The following TACR3 variants were observed in gnomAD, a reference collection of about 807,000 sequenced individuals.
The protein encoded by TACR3 is tachykinin receptor 3.
TACR3 carries 34 observed loss-of-function variants against 35.0 expected under a neutral mutation model. That is an observed-to-expected ratio of 0.97 (90% CI 0.74 to 1.30). The LOEUF (loss-of-function observed/expected upper bound fraction) is 1.30, where lower values mean the gene tolerates loss of function less well. Among genes scored for constraint, TACR3 ranks in the 50% most tolerant of loss-of-function variants. The pLI is 0.00. For missense variants in TACR3, 558 were observed against 591.7 expected, an observed-to-expected ratio of 0.94 and a Z score of 0.59; for synonymous variants, 233 against 221.1, an observed-to-expected ratio of 1.05 and a Z score of -0.48.
rs761947391 is a variant in TACR3, at chr4:103,656,245, G to A, written c.837C>T (p.Ile279=). The part of the protein sequence containing the change: ...IVGITLWGGE[I]PGDTCDKYHE... ...GATACTTGTCACAGGTATCTCCTGG[G>A]ATTTCTCCTCCCCAGAGAGTAATTC... The change falls in exon 3 of 5, where the codon ATC becomes ATT. Residue 279 remains isoleucine (I), a synonymous_variant. Transcript: ENST00000304883. The A allele has an allele frequency of 6.8e-6, 11 of 1,612,948 alleles. No homozygotes were observed. In the South Asian group the frequency reaches 1.1e-4, roughly 16 times the overall value.
chr4:103,674,339 G>C (rs1726121700), intron 1 of TACR3, among the ~76,000 whole-genome samples: 2 of 151,568 alleles, frequency 1.3e-5, no homozygotes, highest in African/African-American at 2.4e-5. Context: ...TCTGTTGTTG[G>C]AGGTCCTCAG....
intron 1 of TACR3, among the ~76,000 whole-genome samples, chr4:103,683,470 CAAAAAAA>C (rs57761679): frequency 4.3e-4 from 9 of 21,152 alleles, no homozygotes; most frequent in East Asian, 1.7e-3. Flanking sequence ...AAAGACTGAC[CAAAAAAA>C]AAAAAAAAAA....
intron 3 of TACR3, among the ~76,000 whole-genome samples, chr4:103,646,247 A>AT (rs1725452766): frequency 6.6e-6 from 1 of 151,968 alleles, no homozygotes; most frequent in African/African-American, 2.4e-5. Flanking sequence ...AAAGCAGTTC[A>AT]TTTTTCTTTA....
chr4:103,597,550 A>G (rs1724063438), intron 3 of TACR3, among the ~76,000 whole-genome samples: 1 of 152,080 alleles, frequency 6.6e-6, no homozygotes, highest in South Asian at 2.1e-4. Context: ...GGTCTGCTGC[A>G]CCCATTAACT....
chr4:103,653,995 A>G (rs1440091948), intron 3 of TACR3, among the ~76,000 whole-genome samples: 1 of 148,678 alleles, frequency 6.7e-6, no homozygotes. Context: ...AACCACAATG[A>G]GATACCATCT....
intron 1 of TACR3, among the ~76,000 whole-genome samples, chr4:103,701,554 T>C (rs565320394): frequency 3.6e-4 from 54 of 152,010 alleles, no homozygotes; most frequent in Non-Finnish European, 7.4e-4. Context: ...AACTACTTTA[T>C]AGTACATATG....
At chr4:103,609,644 G>A (rs1480014166) in intron 3 of TACR3, among the ~76,000 whole-genome samples, 1 of 152,030 alleles carries the variant, frequency 6.6e-6, no homozygotes, top group African/African-American at 2.4e-5. Flanking sequence ...ATTTTGAAGT[G>A]TACAATACAT....
chr4:103,719,970 C>T lies in TACR3; in HGVS notation c.-295G>A, dbSNP rs1391548406. Among the ~76,000 whole-genome samples, 5 of 152,166 alleles carry T rather than the reference C, an allele frequency of 3.3e-5. No individual in the cohort carries two copies. The highest frequency in any genetic ancestry group is 1.2e-4 in the African/African-American group (5 of 41,440). ...CGTAGGGAGGGTGCCAGCTGCCCGG[C>T]ACAGGCTGGAGAACTGAGCGTCCTG... On this transcript the variant is annotated 5_prime_UTR_variant, in exon 1 of 5. Transcript: ENST00000304883.
At chr4:103,645,020 A>T (rs529538547) in intron 3 of TACR3, among the ~76,000 whole-genome samples, 1 of 151,992 alleles carries the variant, frequency 6.6e-6, no homozygotes, top group East Asian at 1.9e-4. Flanking sequence ...AGGTTTTTTT[A>T]AATTACAACA....
At chr4:103,685,420 C>G (rs1440225413) in intron 1 of TACR3, among the ~76,000 whole-genome samples, 1 of 151,940 alleles carries the variant, frequency 6.6e-6, no homozygotes. Flanking sequence ...TAGAAGAAAA[C>G]CTAGGAGGAA....
Position 103,635,050 on chromosome 4 carries a change from C to A in TACR3, c.888+21144G>T, listed in dbSNP as rs978181123. ...CAGTCTCCATATAGCTTGCTTGCCT[C>A]ACCATTTGATGTGCTGGGTCTGCGC... is the stretch of plus-strand genomic sequence containing the variant. On this transcript the variant is annotated intron_variant, in intron 3 of 4. Coordinates refer to ENST00000304883, the MANE Select transcript of TACR3 (RefSeq NM_001059.3). Among the ~76,000 whole-genome samples the A allele has an allele frequency of 2.0e-5, 3 of 151,970 alleles. No individual in the cohort carries two copies. The South Asian group carries it at 6.2e-4, about 31-fold the overall frequency.
intron 3 of TACR3, among the ~76,000 whole-genome samples, chr4:103,602,815 C>A (rs1724241475): frequency 6.6e-6 from 1 of 152,180 alleles, no homozygotes; most frequent in Non-Finnish European, 1.5e-5. Context: ...GGGTGCCTCC[C>A]ATTTAGGCTA....
At chr4:103,607,254 C>G (rs1320818080) in intron 3 of TACR3, among the ~76,000 whole-genome samples, 2 of 152,050 alleles carry the variant, frequency 1.3e-5, no homozygotes, top group East Asian at 3.9e-4. Context: ...ATATCATTGC[C>G]TATGCATTAT....
intron 3 of TACR3, among the ~76,000 whole-genome samples, chr4:103,594,807 G>A (rs1282079833): frequency 6.6e-6 from 1 of 152,106 alleles, no homozygotes; most frequent in African/African-American, 2.4e-5. Flanking sequence ...TCTTGCGAAA[G>A]ATTTATAAAC....
At chr4:103,620,686 G>C (rs528250951) in intron 3 of TACR3, among the ~76,000 whole-genome samples, 2 of 152,130 alleles carry the variant, frequency 1.3e-5, no homozygotes, top group East Asian at 3.9e-4. Flanking sequence ...ATAAGTAGGA[G>C]CTAAACATTG....
chr4:103,636,492 C>CT (rs1240139024), intron 3 of TACR3, among the ~76,000 whole-genome samples: 1 of 151,876 alleles, frequency 6.6e-6, no homozygotes, highest in Non-Finnish European at 1.5e-5. Context: ...ACACAAAAGC[C>CT]TTTTATCTCA....
At chr4:103,661,463 G>A (rs572512826) in intron 1 of TACR3, among the ~76,000 whole-genome samples, 27 of 152,108 alleles carry the variant, frequency 1.8e-4, no homozygotes, top group African/African-American at 5.5e-4. Flanking sequence ...ATAATCTTTT[G>A]CTTTGTTGCT....
Position 103,682,559 on chromosome 4 carries a change from C to A in TACR3, c.549-24156G>T, listed in dbSNP as rs556945419. Among the ~76,000 whole-genome samples, 6 of 152,184 alleles carry A rather than the reference C, an allele frequency of 3.9e-5. No individual in the cohort carries two copies. In the South Asian group the frequency reaches 1.2e-3, roughly 32 times the overall value. On this transcript the variant is annotated intron_variant, in intron 1 of 4. Coordinates refer to ENST00000304883, the MANE Select transcript of TACR3 (RefSeq NM_001059.3). ...ATGATTCAATCACCTCCTACCTGGT[C>A]CCTCCCTCGACACATAGGGATTATG...
intron 1 of TACR3, among the ~76,000 whole-genome samples, chr4:103,687,026 C>T (rs1010394187): frequency 3.3e-5 from 5 of 152,078 alleles, no homozygotes; most frequent in Admixed American, 2.6e-4. Context: ...AATCCAGCAG[C>T]ACATCAAAAA....
Sources: allele counts gnomAD v4.1 joint callset (sites outside exome capture counted in the v4.1 genomes callset), GRCh38; gene constraint gnomAD v4.1.1; transcripts MANE v1.5; gene names NCBI Gene and HGNC (gene_info 2026-07-23, HGNC 2026-07-21).